Variants in SV2C observed in about 807,000 individuals in gnomAD.
SV2C encodes solute carrier family 22 member B3.
A neutral mutation model predicts 79.7 loss-of-function variants in SV2C; 49 were observed. The observed-to-expected ratio is 0.61, with a 90% CI of 0.49 to 0.78. The LOEUF (loss-of-function observed/expected upper bound fraction) is 0.78. Ranked by LOEUF, SV2C falls within the 30% of genes least tolerant of loss-of-function variation. The pLI, the probability that SV2C is intolerant of heterozygous loss-of-function variation, is 0.00. For synonymous variants in SV2C, 334 were observed against 333.2 expected, an observed-to-expected ratio of 1.00 and a Z score of -0.03; for missense variants, 833 against 912.9, an observed-to-expected ratio of 0.91 and a Z score of 1.13.
chr5:76,174,173 T>C, intron 2 of SV2C: 1 of 1,612,534 alleles, frequency 6.2e-7, no homozygotes, highest in Non-Finnish European at 8.5e-7. Flanking sequence ...GACTAGCTTA[T>C]ACTCACGCAT....
intron 4 of SV2C, among the ~76,000 whole-genome samples, chr5:76,217,661 C>T (rs1303728321): frequency 2.6e-5 from 4 of 151,688 alleles, no homozygotes; most frequent in Non-Finnish European, 5.9e-5. Flanking sequence ...ATTGCCAGAG[C>T]AGCCCAAATG....
chr5:76,087,787 C>T (rs1017000631), intron 1 of SV2C, among the ~76,000 whole-genome samples: 5 of 152,168 alleles, frequency 3.3e-5, no homozygotes, highest in African/African-American at 1.2e-4. Context: ...TACCAAGTAT[C>T]TGCTGGAAGC....
At position 76,132,110 on chromosome 5, in the gene SV2C, G is replaced by A. The variant is rs10070440; in HGVS notation, c.360G>A (p.Arg120=). ...GQPKGDEYKD[R]RELESERRAD... ...CCAAGGGCGATGAGTACAAGGACCG[G>A]CGGGAGCTGGAATCAGAAAGGAGAG... The change falls in exon 2 of 13, where the codon CGG becomes CGA. Residue 120 remains arginine, a synonymous_variant. Coordinates refer to ENST00000502798, the MANE Select transcript of SV2C (RefSeq NM_014979.4). 1,140,874 of 1,613,672 alleles carry A rather than the reference G, an allele frequency of 0.71. 417,424 individuals are homozygous for A. The highest frequency in any genetic ancestry group is 0.76 in the Non-Finnish European group (901,912 of 1,179,854).
the SV2C span, among the ~76,000 whole-genome samples, chr5:76,067,613 T>C: frequency 2.6e-5 from 4 of 152,052 alleles, no homozygotes; most frequent in Admixed American, 2.6e-4. Context: ...TAGACTGATT[T>C]TTTTCTCATT....
the SV2C span, among the ~76,000 whole-genome samples, chr5:75,854,056 C>T: frequency 6.7e-6 from 1 of 150,034 alleles, no homozygotes; most frequent in Admixed American, 6.6e-5. Context: ...AACCTTACGA[C>T]TGTAGATCTG....
chr5:76,311,742 C>T (rs899808783), intron 12 of SV2C, among the ~76,000 whole-genome samples: 3 of 152,062 alleles, frequency 2.0e-5, no homozygotes, highest in Admixed American at 6.5e-5. Flanking sequence ...TCCAGCTTGC[C>T]GTAAATCTGA....
At chr5:76,082,631 T>TCCC (rs745450140), upstream of SV2C, among the ~76,000 whole-genome samples, 1 of 87,670 alleles carries the variant, frequency 1.1e-5, no homozygotes, top group Non-Finnish European at 2.3e-5. Context: ...TATCTCTCTC[T>TCCC]CCACCCCCCC....
chr5:75,879,490 A>G, the SV2C span, among the ~76,000 whole-genome samples: 1 of 152,236 alleles, frequency 6.6e-6, no homozygotes, highest in Non-Finnish European at 1.5e-5. Flanking sequence ...CCAGAAGGGT[A>G]GTCCTTAAGT....
chr5:75,865,947 C>T, the SV2C span, among the ~76,000 whole-genome samples: 8 of 152,098 alleles, frequency 5.3e-5, no homozygotes, highest in African/African-American at 1.2e-4. Flanking sequence ...TGTGCCCTGC[C>T]GGTTGGACTC....
chr5:76,124,861 G>C (rs534160372), intron 1 of SV2C, among the ~76,000 whole-genome samples: 19 of 152,250 alleles, frequency 1.2e-4, no homozygotes, highest in South Asian at 1.0e-3. Flanking sequence ...AGCATGCTTT[G>C]GTTTTGTAAT....
At chr5:76,026,931 G>A in the SV2C span, among the ~76,000 whole-genome samples, 15 of 152,120 alleles carry the variant, frequency 9.9e-5, no homozygotes, top group African/African-American at 3.6e-4. Flanking sequence ...AGACGTTGTC[G>A]TCCAACCCCC....
chr5:75,956,556 A>G, the SV2C span, among the ~76,000 whole-genome samples: 19 of 152,072 alleles, frequency 1.2e-4, no homozygotes, highest in African/African-American at 4.6e-4. Context: ...AAATAATAAT[A>G]ATAAAAAGAG....
chr5:76,044,755 G>A, the SV2C span, among the ~76,000 whole-genome samples: 2 of 152,026 alleles, frequency 1.3e-5, no homozygotes, highest in African/African-American at 4.8e-5. Flanking sequence ...TTTTAATGGG[G>A]TGGGTTGTTT....
At chr5:75,898,939 T>C in the SV2C span, among the ~76,000 whole-genome samples, 1 of 152,108 alleles carries the variant, frequency 6.6e-6, no homozygotes, top group Non-Finnish European at 1.5e-5. Context: ...TTTTATTGCA[T>C]CTTTTTGATT....
At chr5:76,059,172 G>T in the SV2C span, among the ~76,000 whole-genome samples, 6 of 152,208 alleles carry the variant, frequency 3.9e-5, no homozygotes, top group Non-Finnish European at 7.4e-5. Context: ...GGAGGGTTTT[G>T]TCTCAATGTT....
At chr5:76,291,918 C>A in intron 8 of SV2C, 62 bp downstream of exon 8, 1 of 1,234,006 alleles carries the variant, frequency 8.1e-7, no homozygotes, top group South Asian at 1.3e-5. Flanking sequence ...TAACTCCTAG[C>A]CATGCTGCTT....
the SV2C span, among the ~76,000 whole-genome samples, chr5:75,960,984 T>C: frequency 6.6e-6 from 1 of 152,158 alleles, no homozygotes; most frequent in Middle Eastern, 3.4e-3. Flanking sequence ...CTCTGTGTTA[T>C]GTCTCTTGGA....
At chr5:76,220,470 G>A (rs1046150837) in intron 4 of SV2C, among the ~76,000 whole-genome samples, 8 of 152,108 alleles carry the variant, frequency 5.3e-5, no homozygotes, top group South Asian at 2.1e-4. Context: ...TCAGGAGTTC[G>A]AGGCCAGCCT....
chr5:76,209,374 A>G (rs558891212), intron 3 of SV2C, among the ~76,000 whole-genome samples: 1 of 152,324 alleles, frequency 6.6e-6, no homozygotes, highest in South Asian at 2.1e-4. Context: ...GTTAATTAAA[A>G]TATTCACTAG....
Sources: allele counts gnomAD v4.1 joint callset (sites outside exome capture counted in the v4.1 genomes callset), GRCh38; gene constraint gnomAD v4.1.1; transcripts MANE v1.5; gene names NCBI Gene and HGNC (gene_info 2026-07-23, HGNC 2026-07-21).